CLASRP: variants seen among roughly 807,000 people sequenced by gnomAD.
The protein encoded by CLASRP is CLK4-associating serine/arginine rich protein.
A neutral mutation model predicts 99.9 loss-of-function variants in CLASRP; 52 were observed. That is an observed-to-expected ratio of 0.52 (90% CI 0.42 to 0.66). The LOEUF (loss-of-function observed/expected upper bound fraction) is 0.66, where lower values mean the gene tolerates loss of function less well. CLASRP is among the 30% of genes least tolerant of loss of function. The pLI, the probability that CLASRP is intolerant of heterozygous loss-of-function variation, is 0.00. For missense variants in CLASRP, 848 were observed against 999.2 expected, an observed-to-expected ratio of 0.85 and a Z score of 2.04; for synonymous variants, 379 against 373.0, an observed-to-expected ratio of 1.02 and a Z score of -0.18.
At chr19:45,044,738 G>A (rs1171843034) in intron 2 of CLASRP, among the ~76,000 whole-genome samples, 1 of 152,106 alleles carries the variant, frequency 6.6e-6, no homozygotes, top group Non-Finnish European at 1.5e-5. Context: ...CTGGAACCTG[G>A]GTGACAGAGT....
At chr19:45,042,308 A>G (rs1048002176) in intron 2 of CLASRP, among the ~76,000 whole-genome samples, 2 of 151,952 alleles carry the variant, frequency 1.3e-5, no homozygotes, top group Non-Finnish European at 2.9e-5. Flanking sequence ...GGCCTCCTGG[A>G]CTCTTCTAGG....
At position 45,064,438 on chromosome 19, in the gene CLASRP, G is replaced by C. The variant is rs1309397081; in HGVS notation, c.1217G>C (p.Gly406Ala). 7.2e-6 allele frequency: 11 copies of C among 1,526,306 alleles called. No homozygotes were observed. Among genetic ancestry groups the C allele is most frequent in the Non-Finnish European group, 7.9e-6 (9 of 1,137,848 alleles). The allele number at this position is 1,526,306 out of a possible 1,614,324, so 94.5% of individuals were successfully genotyped here. Reference protein sequence around the residue: ...SRSSSRSRRGGGYYRSGRHAR... With the variant: ...SRSSSRSRRGAGYYRSGRHAR... ...TCCAGCTCCCGCTCTCGCCGTGGTG[G>C]GGGCTACTACCGTTCCGGCCGCCAC... Residue 406 changes from glycine (G) to alanine (A), a missense_variant, in exon 13 of 21, where the codon GGG becomes GCG. This residue lies in a region of CLASRP where 489 missense variants were observed against 434.7 expected (regional missense o/e 1.12). Transcript: ENST00000221455.
intron 18 of CLASRP, 158 bp from the exon 19 acceptor site, chr19:45,069,864 C>A: frequency 1.7e-6 from 1 of 593,370 alleles, no homozygotes; most frequent in East Asian, 2.8e-5. Context: ...GCTGGGGTCC[C>A]TCTGAACCTG....
intron 7 of CLASRP, among the ~76,000 whole-genome samples, chr19:45,058,850 C>T (rs1972170973): frequency 6.6e-6 from 1 of 151,890 alleles, no homozygotes. Context: ...CTGTTCAGTC[C>T]TCCCTCTCAC....
intron 2 of CLASRP, among the ~76,000 whole-genome samples, chr19:45,046,133 G>A (rs1363378966): frequency 6.6e-6 from 1 of 152,186 alleles, no homozygotes; most frequent in East Asian, 1.9e-4. Flanking sequence ...TGGCTGGGCC[G>A]TGGCTGATGG....
At chr19:45,065,922 T>C (rs1967076234) in intron 13 of CLASRP, among the ~76,000 whole-genome samples, 1 of 152,182 alleles carries the variant, frequency 6.6e-6, no homozygotes, top group South Asian at 2.1e-4. Flanking sequence ...TGCGTTATTG[T>C]AGCACTGATC....
At chr19:45,070,195 G>A (rs1048056160) in intron 19 of CLASRP, 91 bp downstream of exon 19, 50 of 837,546 alleles carry the variant, frequency 6.0e-5, no homozygotes, top group Non-Finnish European at 8.4e-5. Flanking sequence ...AGCCGGGCGC[G>A]GTGGCTCACG....
intron 16 of CLASRP, 37 bp from the exon 17 acceptor site, chr19:45,069,029 G>A (rs777817515): frequency 1.3e-6 from 2 of 1,582,644 alleles, no homozygotes; most frequent in African/African-American, 1.3e-5. Context: ...GGGCTCTTAA[G>A]GGAACCCCTC....
At position 45,050,056 on chromosome 19, in the gene CLASRP, A is replaced by G. The variant is rs188660650; in HGVS notation, c.100-2015A>G. On this transcript the variant is annotated intron_variant, in intron 2 of 20. Coordinates refer to ENST00000221455, the MANE Select transcript of CLASRP (RefSeq NM_007056.3). ...CTGAAATAAGCGGGGGAGCAGAAGC[A>G]CAGAGGTCCGAGCAGAAGCACGGGG... Among the ~76,000 whole-genome samples, 564 of 152,252 alleles carry G rather than the reference A, an allele frequency of 3.7e-3. 2 individuals carry two copies. Among genetic ancestry groups the G allele is most frequent in the African/African-American group, 0.013 (536 of 41,546 alleles).
chr19:45,052,040 G>C, intron 2 of CLASRP, 31 bp from the exon 3 acceptor site: 2 of 1,579,640 alleles, frequency 1.3e-6, no homozygotes, highest in South Asian at 1.1e-5. Context: ...GCTCTGTTGG[G>C]TGGTGACCTC....
chr19:45,044,896 A>G (rs1019654342), intron 2 of CLASRP, among the ~76,000 whole-genome samples: 2 of 152,210 alleles, frequency 1.3e-5, no homozygotes, highest in African/African-American at 4.8e-5. Context: ...CTATAGTGTG[A>G]CGTGGGCAAG....
intron 20 of CLASRP, 100 bp from the exon 21 acceptor site, chr19:45,070,703 C>T: frequency 3.1e-6 from 4 of 1,307,052 alleles, no homozygotes; most frequent in Non-Finnish European, 4.4e-6. Context: ...AACATCCTTC[C>T]CTCCACAGAC....
intron 11 of CLASRP, among the ~76,000 whole-genome samples, chr19:45,063,553 C>G (rs1247966067): frequency 1.4e-5 from 2 of 146,058 alleles, no homozygotes; most frequent in Non-Finnish European, 3.0e-5. Flanking sequence ...TCAAGCAGTT[C>G]TCGTGCCCTC....
At chr19:45,053,027 T>G in intron 4 of CLASRP, 71 bp from the exon 5 acceptor site, 1 of 1,581,614 alleles carries the variant, frequency 6.3e-7, no homozygotes, top group Admixed American at 1.7e-5. Context: ...GATGCCTCAT[T>G]TCCCTTCCTG....
intron 5 of CLASRP, among the ~76,000 whole-genome samples, chr19:45,053,393 G>C (rs996112454): frequency 1.2e-4 from 18 of 152,140 alleles, no homozygotes; most frequent in Non-Finnish European, 2.2e-4. Context: ...TCCCAGCAGA[G>C]TCACGTCCAT....
chr19:45,068,521 T>C, intron 16 of CLASRP, 41 bp downstream of exon 16: 1 of 1,494,060 alleles, frequency 6.7e-7, no homozygotes, highest in Non-Finnish European at 9.3e-7. Context: ...ACAGCTCTTC[T>C]TTCCCTTGGC....
At chr19:45,043,230 T>TGTGTGTGTGTGTGTCC (rs1413687584) in intron 2 of CLASRP, among the ~76,000 whole-genome samples, 2 of 149,756 alleles carry the variant, frequency 1.3e-5, no homozygotes, top group Non-Finnish European at 3.0e-5. Context: ...TGTGTGTGTG[T>TGTGTGTGTGTGTGTCC]GTGTGTCCCG....
chr19:45,048,561 CAAAT>C (rs1461996069), intron 2 of CLASRP, among the ~76,000 whole-genome samples: 4 of 151,234 alleles, frequency 2.6e-5, no homozygotes, highest in Admixed American at 6.6e-5. Context: ...TCTTAAAAAG[CAAAT>C]AAATAAAAAG....
intron 4 of CLASRP, 33 bp downstream of exon 4, chr19:45,052,925 G>T: frequency 6.4e-7 from 1 of 1,574,304 alleles, no homozygotes; most frequent in Admixed American, 1.8e-5. Flanking sequence ...GCCAGGCACA[G>T]CGTCATACCC....
Sources: gnomAD v4.1 joint callset for allele counts (sites outside exome capture counted in the v4.1 genomes callset) on GRCh38, gnomAD v4.1.1 for gene constraint, gnomAD v4.1.1 regional missense constraint, MANE v1.5 for transcripts, NCBI Gene and HGNC (gene_info 2026-07-23, HGNC 2026-07-21) for gene names.